The following OXR1 variants were observed in gnomAD, a reference collection of about 807,000 sequenced individuals.
The protein encoded by OXR1 is oxidation resistance protein 1.
OXR1 carries 41 observed loss-of-function variants against 104.6 expected under a neutral mutation model. The observed-to-expected ratio is 0.39, with a 90% CI of 0.31 to 0.51. OXR1 has a LOEUF of 0.51. OXR1 is among the 20% of genes least tolerant of loss of function. OXR1 has a pLI of 0.77. For synonymous variants in OXR1, 348 were observed against 348.4 expected (o/e 1.00, Z 0.01); for missense variants, 955 against 1,031.9 (o/e 0.93, Z 1.02).
At chr8:106,501,393 T>C (rs1032811920) in intron 2 of OXR1, among the ~76,000 whole-genome samples, 10 of 152,140 alleles carry the variant, frequency 6.6e-5, no homozygotes, top group South Asian at 2.1e-4. Flanking sequence ...GGGGCCAGGT[T>C]ATATGGGATC....
intron 1 of OXR1, among the ~76,000 whole-genome samples, chr8:106,315,926 C>T (rs1180547207): frequency 6.6e-6 from 1 of 152,150 alleles, no homozygotes; most frequent in Non-Finnish European, 1.5e-5. Context: ...TATTTTTAAA[C>T]TTCGACATGA....
At position 106,426,091 on chromosome 8, in the gene OXR1, A is replaced by G. The variant is rs138705585; in HGVS notation, c.23+66455A>G. Among the ~76,000 whole-genome samples the G allele has an allele frequency of 2.2e-3, 340 of 152,238 alleles. 2 individuals carry two copies. The highest frequency in any genetic ancestry group is 7.9e-3 in the African/African-American group (328 of 41,546). On this transcript the variant is annotated intron_variant, in intron 2 of 16. Coordinates refer to ENST00000517566, the MANE Select transcript of OXR1 (RefSeq NM_001198533.2). Reference sequence around the variant, plus strand: ...TACAGTGGAGGGGCTGTGGGACCAGATGCCTGGGACTCCTGCTTACTGTCT... The same window carrying G: ...TACAGTGGAGGGGCTGTGGGACCAGGTGCCTGGGACTCCTGCTTACTGTCT...
chr8:106,718,479 T>C (rs2131441851), intron 11 of OXR1, among the ~76,000 whole-genome samples: 1 of 152,312 alleles, frequency 6.6e-6, no homozygotes, highest in South Asian at 2.1e-4. Context: ...TTCTTACTGC[T>C]CACGATGTGT....
chr8:106,427,584 T>C (rs1819184840), intron 2 of OXR1, among the ~76,000 whole-genome samples: 1 of 152,220 alleles, frequency 6.6e-6, no homozygotes, highest in Non-Finnish European at 1.5e-5. Context: ...GCTGTTATTG[T>C]GACATGATTG....
intron 2 of OXR1, among the ~76,000 whole-genome samples, chr8:106,437,177 TA>T (rs1452630239): frequency 2.0e-5 from 3 of 152,088 alleles, no homozygotes; most frequent in Non-Finnish European, 2.9e-5. Context: ...GTACTTCCGT[TA>T]AAAAAATTAT....
chr8:106,285,965 C>T (rs774126343), intron 1 of OXR1, among the ~76,000 whole-genome samples: 14 of 77,820 alleles, frequency 1.8e-4, no homozygotes, highest in South Asian at 4.4e-4. Context: ...GCCCTCGCCC[C>T]GTAACCACCT....
chr8:106,510,226 C>G (rs992209808), intron 2 of OXR1, among the ~76,000 whole-genome samples: 3 of 151,884 alleles, frequency 2.0e-5, no homozygotes, highest in African/African-American at 7.3e-5. Context: ...GTGGTTTTTC[C>G]CCTGTAATGA....
chr8:106,525,964 A>G (rs1813631364), intron 3 of OXR1, among the ~76,000 whole-genome samples: 1 of 152,226 alleles, frequency 6.6e-6, no homozygotes, highest in South Asian at 2.1e-4. Flanking sequence ...TTGAATGCCT[A>G]CTATGTTCCA....
intron 1 of OXR1, among the ~76,000 whole-genome samples, chr8:106,290,500 G>A (rs1462137557): frequency 6.6e-6 from 1 of 152,142 alleles, no homozygotes; most frequent in Non-Finnish European, 1.5e-5. Context: ...TATCAATAAA[G>A]TAAACAGACA....
chr8:106,604,271 A>G lies in OXR1; in HGVS notation c.221-74939A>G, dbSNP rs1002921364. ...TGTCAGGGGCAAAAATGTCAAAAGC[A>G]TTATGACTCCTATGGGTGAAGGGAT... On this transcript the variant is annotated intron_variant, in intron 3 of 16. Coordinates refer to ENST00000517566, the MANE Select transcript of OXR1 (RefSeq NM_001198533.2). Among the ~76,000 whole-genome samples the G allele has an allele frequency of 2.6e-5, 4 of 152,316 alleles. No homozygotes were observed. In the Middle Eastern group the frequency reaches 0.01, roughly 389 times the overall value.
intron 1 of OXR1, among the ~76,000 whole-genome samples, chr8:106,288,716 ATATT>A (rs944863790): frequency 7.1e-5 from 10 of 140,152 alleles, no homozygotes; most frequent in African/African-American, 2.1e-4. Flanking sequence ...TATATTATAT[ATATT>A]TATATATAAA....
intron 1 of OXR1, among the ~76,000 whole-genome samples, chr8:106,333,410 T>C (rs1406766768): frequency 2.0e-5 from 3 of 152,124 alleles, no homozygotes; most frequent in Non-Finnish European, 4.4e-5. Flanking sequence ...ACTTTGGAAA[T>C]ATTTTCTCCT....
chr8:106,679,187 G>A (rs1185232597), intron 3 of OXR1, 23 bp from the exon 4 acceptor site: 2 of 1,430,162 alleles, frequency 1.4e-6, no homozygotes, highest in Admixed American at 1.7e-5. Flanking sequence ...GAATTTAATA[G>A]GAATTTTGCC....
intron 2 of OXR1, among the ~76,000 whole-genome samples, chr8:106,456,093 A>T (rs1157224146): frequency 6.6e-6 from 1 of 152,238 alleles, no homozygotes; most frequent in Non-Finnish European, 1.5e-5. Flanking sequence ...TTTGTATTGT[A>T]TGCTTTCCAG....
chr8:106,555,894 CTG>C (rs1424560329), intron 3 of OXR1, among the ~76,000 whole-genome samples: 1 of 143,588 alleles, frequency 7.0e-6, no homozygotes, highest in Non-Finnish European at 1.5e-5. Context: ...ATGTGTGTGT[CTG>C]TGTATATGTG....
intron 2 of OXR1, among the ~76,000 whole-genome samples, chr8:106,499,705 T>G (rs16892421): frequency 0.034 from 5,151 of 152,312 alleles, 280 homozygotes; most frequent in African/African-American, 0.12. Flanking sequence ...TGGTAGAGTT[T>G]TATTCTATGT....
At chr8:106,527,877 A>C (rs1021796510) in intron 3 of OXR1, among the ~76,000 whole-genome samples, 1 of 152,230 alleles carries the variant, frequency 6.6e-6, no homozygotes, top group African/African-American at 2.4e-5. Context: ...AGTGGTAAAG[A>C]GCTCATCCTC....
chr8:106,730,290 A>C (rs1165340921), intron 11 of OXR1, among the ~76,000 whole-genome samples: 2 of 152,104 alleles, frequency 1.3e-5, no homozygotes, highest in Non-Finnish European at 2.9e-5. Flanking sequence ...TGAGTTGTAT[A>C]TTCTGTGGGT....
intron 8 of OXR1, among the ~76,000 whole-genome samples, chr8:106,704,717 A>G (rs915541710): frequency 8.6e-5 from 13 of 151,898 alleles, no homozygotes; most frequent in South Asian, 2.1e-4. Context: ...TCCATTTGCA[A>G]TATGGTACTT....
Sources: gnomAD v4.1 joint callset for allele counts (sites outside exome capture counted in the v4.1 genomes callset) on GRCh38, gnomAD v4.1.1 for gene constraint, MANE v1.5 for transcripts, NCBI Gene and HGNC (gene_info 2026-07-23, HGNC 2026-07-21) for gene names.